Variants in SOAT1 observed in about 807,000 individuals in gnomAD.
SOAT1 encodes sterol O-acyltransferase 1.
Under a neutral mutation model 69.5 loss-of-function variants are expected in SOAT1, and 55 were observed. The ratio of observed to expected loss-of-function variants is 0.79; its 90% CI spans 0.64 to 0.99. The LOEUF (loss-of-function observed/expected upper bound fraction) is 0.99. Ranked by LOEUF, SOAT1 falls within the 50% of genes least tolerant of loss-of-function variation. The probability of loss-of-function intolerance (pLI) is 0.00; values close to 1 mark genes in which losing one functional copy is unlikely to be tolerated. For missense variants in SOAT1, 580 were observed against 669.3 expected (o/e 0.87, Z 1.47); for synonymous variants, 231 against 224.7 (o/e 1.03, Z -0.25).
intron 1 of SOAT1, among the ~76,000 whole-genome samples, chr1:179,298,883 A>T (rs1173514282): frequency 6.6e-6 from 1 of 152,192 alleles, no homozygotes; most frequent in East Asian, 1.9e-4. Flanking sequence ...AAATTGAACC[A>T]TCATAAGTTG....
intron 2 of SOAT1, among the ~76,000 whole-genome samples, chr1:179,317,071 GGTT>G (rs1665420063): frequency 6.6e-6 from 1 of 152,038 alleles, no homozygotes; most frequent in Non-Finnish European, 1.5e-5. Flanking sequence ...TAAGGGAAGG[GGTT>G]ATTAAGCTTA....
chr1:179,323,045 C>CTTTCTT (rs1553245424), intron 2 of SOAT1, among the ~76,000 whole-genome samples: 4 of 126,736 alleles, frequency 3.2e-5, no homozygotes, highest in African/African-American at 8.9e-5. Context: ...TCTTTTCTTT[C>CTTTCTT]TTTTTTTTTT....
chr1:179,351,198 C>T (rs372288622), intron 14 of SOAT1, 119 bp from the exon 15 acceptor site: 6 of 794,738 alleles, frequency 7.5e-6, no homozygotes, highest in African/African-American at 5.2e-5. Flanking sequence ...CACACACCAC[C>T]ACGCCTGGCT....
chr1:179,355,203 G>A lies in SOAT1; in HGVS notation c.*1562G>A, dbSNP rs1459145407. 2.6e-5 allele frequency: 4 copies of A among 152,144 alleles called. No individual in the cohort carries two copies. The highest frequency in any genetic ancestry group is 4.4e-5 in the Non-Finnish European group (3 of 68,020). The allele number at this position is 152,144 out of a possible 1,614,324, so 9.4% of individuals were successfully genotyped here. A position where few individuals can be genotyped will look rare whatever the true frequency, so the allele number is the denominator to read the frequency against. Reference sequence around the variant, plus strand: ...CTGCATGTTCCCGCAGTAATGTTCTGCACAACAGTATTGTAATTGTAATGG... The same window carrying A: ...CTGCATGTTCCCGCAGTAATGTTCTACACAACAGTATTGTAATTGTAATGG... On this transcript the variant is annotated 3_prime_UTR_variant, in exon 16 of 16. Transcript: ENST00000367619.
chr1:179,309,865 T>C (rs1014783487), intron 2 of SOAT1, among the ~76,000 whole-genome samples: 6 of 5,172 alleles, frequency 1.2e-3, no homozygotes, highest in East Asian at 0.12. Flanking sequence ...TTAATTGTTA[T>C]AATTTTTTTT....
rs764500959 is a variant in SOAT1, at chr1:179,323,542, G to A, written c.177+47G>A. The A allele has an allele frequency of 4.6e-6, 7 of 1,521,602 alleles. No homozygotes were observed. The South Asian group carries it at 8.1e-5, about 18-fold the overall frequency. 94.3% of individuals were successfully genotyped at this position (1,521,602 alleles called of 1,614,324 possible). On this transcript the variant is annotated intron_variant, in intron 3 of 15. Coordinates refer to ENST00000367619, the MANE Select transcript of SOAT1 (RefSeq NM_003101.6). ...AAACAAAAATGTAGAGTTTTAGATA[G>A]AATTTTGTTTGGTAACATTTTTAAT...
chr1:179,304,233 C>T (rs1442626355), intron 2 of SOAT1, among the ~76,000 whole-genome samples: 4 of 150,864 alleles, frequency 2.7e-5, no homozygotes, highest in Non-Finnish European at 2.9e-5. Flanking sequence ...GGATTACGGG[C>T]GTGAGCCACC....
In SOAT1 at chr1:179,339,829, C is replaced by T. The variant is rs145147589; in HGVS notation, c.497+284C>T. Among the ~76,000 whole-genome samples, 199 of 152,298 alleles carry T rather than the reference C, an allele frequency of 1.3e-3. 1 individual carries two copies. The highest frequency in any genetic ancestry group is 4.3e-3 in the African/African-American group (177 of 41,570). ...ATACACAGTTGACCTACGAACAGCACGGGTTTGAACTGTGCATGTCTATTT... is the reference window on the plus strand; with the variant it reads ...ATACACAGTTGACCTACGAACAGCATGGGTTTGAACTGTGCATGTCTATTT... On this transcript the variant is annotated intron_variant, in intron 6 of 15. Coordinates refer to ENST00000367619, the MANE Select transcript of SOAT1 (RefSeq NM_003101.6).
At chr1:179,321,511 G>A (rs1366297713) in intron 2 of SOAT1, among the ~76,000 whole-genome samples, 2 of 152,138 alleles carry the variant, frequency 1.3e-5, no homozygotes, top group East Asian at 3.9e-4. Context: ...CCTTAAGACT[G>A]TATAACATAA....
intron 1 of SOAT1, among the ~76,000 whole-genome samples, chr1:179,301,800 G>A (rs902919212): frequency 5.9e-5 from 9 of 152,182 alleles, no homozygotes; most frequent in African/African-American, 2.2e-4. Context: ...ATGGTTCCCT[G>A]AACGGGGCTT....
intron 3 of SOAT1, among the ~76,000 whole-genome samples, chr1:179,325,508 C>G (rs532610374): frequency 8.5e-4 from 129 of 152,250 alleles, no homozygotes; most frequent in Non-Finnish European, 1.6e-3. Flanking sequence ...TTTTATTTCT[C>G]TAGTCAGGCA....
rs377301903 is a variant in SOAT1, at chr1:179,343,164, G to T, written c.941+221G>T. Among the ~76,000 whole-genome samples, 18 of 151,912 alleles carry T rather than the reference G, an allele frequency of 1.2e-4. No individual in the cohort carries two copies. The South Asian group carries it at 3.1e-3, about 26-fold the overall frequency. On this transcript the variant is annotated intron_variant, in intron 9 of 15. Coordinates refer to ENST00000367619, the MANE Select transcript of SOAT1 (RefSeq NM_003101.6). ...TAAAGTATTTCATATGGTCATAAAT[G>T]ATGTTCTGAATTAATTAATTTTTAT...
chr1:179,296,939 C>T (rs1035054310), intron 1 of SOAT1, among the ~76,000 whole-genome samples: 3 of 152,152 alleles, frequency 2.0e-5, no homozygotes, highest in African/African-American at 7.2e-5. Flanking sequence ...ATTGCGTGCA[C>T]AGATTAGATT....
chr1:179,327,397 G>C (rs549459400), intron 3 of SOAT1, among the ~76,000 whole-genome samples: 2 of 152,060 alleles, frequency 1.3e-5, no homozygotes, highest in Non-Finnish European at 2.9e-5. Context: ...TGTCTCCAAG[G>C]TCCCTTTTAG....
intron 2 of SOAT1, among the ~76,000 whole-genome samples, chr1:179,318,385 T>TA (rs1194084203): frequency 1.3e-5 from 2 of 152,070 alleles, no homozygotes; most frequent in East Asian, 1.9e-4. Flanking sequence ...CACATTCTCA[T>TA]AAAAAATACT....
At chr1:179,298,030 A>G (rs1280007731) in intron 1 of SOAT1, among the ~76,000 whole-genome samples, 1 of 150,660 alleles carries the variant, frequency 6.6e-6, no homozygotes, top group Admixed American at 6.6e-5. Context: ...GATGGTGTTT[A>G]AGGGGGTGGT....
chr1:179,324,140 T>C (rs949570151), intron 3 of SOAT1, among the ~76,000 whole-genome samples: 6 of 152,232 alleles, frequency 3.9e-5, no homozygotes, highest in African/African-American at 1.4e-4. Context: ...GAAGTAGCCC[T>C]GTTTTATTTA....
Position 179,347,591 on chromosome 1 carries a change from T to G in SOAT1, c.1118-9T>G, listed in dbSNP as rs1203496155. ...GAAAGACTGTTAATATTGTTAATCT[T>G]ATTTTTAGGTGTGCTGATTCTCTTC... On this transcript the variant is annotated splice_polypyrimidine_tract_variant and intron_variant, in intron 11 of 15. Transcript: ENST00000367619. 2.6e-6 allele frequency: 4 copies of G among 1,565,444 alleles called. No individual in the cohort carries two copies. The highest frequency in any genetic ancestry group is 3.5e-6 in the Non-Finnish European group (4 of 1,137,756).
rs1414222474 is a variant in SOAT1, at chr1:179,353,682, T to C, written c.*41T>C. 1.3e-6 allele frequency: 2 copies of C among 1,524,164 alleles called. No homozygotes were observed. Among genetic ancestry groups the C allele is most frequent in the Non-Finnish European group, 1.8e-6 (2 of 1,099,320 alleles). 94.4% of individuals were successfully genotyped at this position (1,524,164 alleles called of 1,614,324 possible). On this transcript the variant is annotated 3_prime_UTR_variant, in exon 16 of 16. Transcript: ENST00000367619. ...TTCCTCCTTGTCACTGAAGATTGGG[T>C]AGCTCCCTGATTTGGAGCCAGCTGT...
Sources: allele counts gnomAD v4.1 joint callset (sites outside exome capture counted in the v4.1 genomes callset), GRCh38; gene constraint gnomAD v4.1.1; transcripts MANE v1.5; gene names NCBI Gene and HGNC (gene_info 2026-07-23, HGNC 2026-07-21).